EML6: variants seen among roughly 807,000 people sequenced by gnomAD.
EML6 encodes EMAP like 6.
EML6 carries 154 observed loss-of-function variants against 240.1 expected under a neutral mutation model. That is an observed-to-expected ratio of 0.64 (90% CI 0.56 to 0.73). The LOEUF is 0.73. Ranked by LOEUF, EML6 falls within the 30% of genes least tolerant of loss-of-function variation. The probability of loss-of-function intolerance (pLI) is 0.00; values close to 1 mark genes in which losing one functional copy is unlikely to be tolerated. For missense variants in EML6, 2,964 were observed against 2,474.6 expected (o/e 1.20, Z -4.20); for synonymous variants, 1,148 against 899.0 (o/e 1.28, Z -4.95).
At chr2:54,949,448 G>C (rs539484242) in intron 29 of EML6, among the ~76,000 whole-genome samples, 1 of 152,204 alleles carries the variant, frequency 6.6e-6, no homozygotes, top group African/African-American at 2.4e-5. Flanking sequence ...CGAGGACGCT[G>C]TGGCTGAGGG....
intron 28 of EML6, among the ~76,000 whole-genome samples, chr2:54,941,901 G>A (rs1049978748): frequency 3.3e-5 from 5 of 152,222 alleles, no homozygotes; most frequent in African/African-American, 7.2e-5. Flanking sequence ...CAAGACTCCT[G>A]TTCTTTATGA....
chr2:54,892,638 T>C lies in EML6; in HGVS notation c.2724T>C (p.Ala908=), dbSNP rs1672534215. 6.4e-7 allele frequency: 1 copy of C among 1,551,578 alleles called. No individual in the cohort carries two copies. The highest frequency in any genetic ancestry group is 8.7e-7 in the Non-Finnish European group (1 of 1,146,702). ...AAGCTCATGATGGGCCTGTGTTTGC[T>C]ATGTATGCACTGGATAAGGTATGGC... ...TVKAHDGPVF[A]MYALDKGFVT... The change falls in exon 19 of 42, where the codon GCT becomes GCC. Residue 908 remains alanine (A), a synonymous_variant. Coordinates refer to ENST00000356458, the MANE Select transcript of EML6 (RefSeq NM_001039753.4).
rs199744428 is a variant in EML6, at chr2:54,933,587, AG to A, written c.4004+4837del. On this transcript the variant is annotated intron_variant, in intron 28 of 41. Transcript: ENST00000356458. ...TGTCTCTCCTAAAAATACAAAAATT[AG>A]CCTGGTATGGTGGCACACGCCTGTA... is the stretch of plus-strand genomic sequence containing the variant. 5.5e-3 allele frequency among the ~76,000 whole-genome samples: 832 copies of A among 152,196 alleles called. 6 individuals carry two copies. The highest frequency in any genetic ancestry group is 7.5e-3 in the Non-Finnish European group (513 of 67,992).
At chr2:54,920,362 A>G (rs949799111) in intron 26 of EML6, among the ~76,000 whole-genome samples, 1 of 152,224 alleles carries the variant, frequency 6.6e-6, no homozygotes, top group African/African-American at 2.4e-5. Flanking sequence ...ACAAAGGATC[A>G]TAAGAGACTA....
At chr2:54,906,506 C>T (rs914845193) in intron 24 of EML6, among the ~76,000 whole-genome samples, 1 of 152,106 alleles carries the variant, frequency 6.6e-6, no homozygotes, top group African/African-American at 2.4e-5. Flanking sequence ...CCTCTTAGAG[C>T]TCAGGATGCT....
chr2:54,891,535 C>A (rs182182698), intron 18 of EML6, among the ~76,000 whole-genome samples: 1 of 152,086 alleles, frequency 6.6e-6, no homozygotes, highest in Non-Finnish European at 1.5e-5. Flanking sequence ...TGAATTTAAA[C>A]CTGAATTAAA....
intron 17 of EML6, among the ~76,000 whole-genome samples, chr2:54,883,412 C>G (rs1391644182): frequency 1.3e-5 from 2 of 152,072 alleles, no homozygotes; most frequent in Non-Finnish European, 2.9e-5. Context: ...CATCAGTCTT[C>G]CTGTTAAAGG....
intron 21 of EML6, 97 bp downstream of exon 21, chr2:54,895,497 T>C: frequency 8.1e-7 from 1 of 1,231,350 alleles, no homozygotes; most frequent in Non-Finnish European, 1.1e-6. Context: ...AAGGAGGCAC[T>C]CACTCTCAGG....
At chr2:54,963,529 C>T (rs1676617733) in intron 36 of EML6, among the ~76,000 whole-genome samples, 1 of 152,124 alleles carries the variant, frequency 6.6e-6, no homozygotes, top group African/African-American at 2.4e-5. Flanking sequence ...GGCCAGGATT[C>T]AGAATTTGAA....
intron 16 of EML6, among the ~76,000 whole-genome samples, chr2:54,875,219 A>G (rs548600514): frequency 3.9e-5 from 6 of 152,336 alleles, no homozygotes; most frequent in Middle Eastern, 3.4e-3. Context: ...ATCCCGTTCT[A>G]AAACAGCCCA....
intron 8 of EML6, among the ~76,000 whole-genome samples, chr2:54,845,642 G>C (rs961288494): frequency 5.9e-5 from 9 of 152,134 alleles, no homozygotes; most frequent in Non-Finnish European, 2.9e-5. Context: ...GTAAAGCAAG[G>C]GTTACATTGC....
chr2:54,912,679 G>GTA (rs1558679285), intron 25 of EML6, among the ~76,000 whole-genome samples: 4 of 152,096 alleles, frequency 2.6e-5, no homozygotes, highest in Non-Finnish European at 5.9e-5. Context: ...CTGTTCCTGC[G>GTA]TTAATTCTCT....
At chr2:54,933,553 G>T (rs905030682) in intron 28 of EML6, among the ~76,000 whole-genome samples, 1 of 152,100 alleles carries the variant, frequency 6.6e-6, no homozygotes, top group Non-Finnish European at 1.5e-5. Flanking sequence ...AGGAAACATG[G>T]TGAAACCCTG....
At chr2:54,735,830 A>G (rs1446555018) in intron 2 of EML6, among the ~76,000 whole-genome samples, 1 of 152,226 alleles carries the variant, frequency 6.6e-6, no homozygotes, top group Non-Finnish European at 1.5e-5. Context: ...GTCTGCAGAG[A>G]TTGTAAGGCA....
chr2:54,856,185 A>G lies in EML6; in HGVS notation c.1657+2330A>G, dbSNP rs1384070208. On this transcript the variant is annotated intron_variant, in intron 11 of 41. Coordinates refer to ENST00000356458, the MANE Select transcript of EML6 (RefSeq NM_001039753.4). Reference sequence around the variant, plus strand: ...TTTTTCTCATTTTGACAGTTTTCACATCTTAAAATAATTAGGATCAATACT... The same window carrying G: ...TTTTTCTCATTTTGACAGTTTTCACGTCTTAAAATAATTAGGATCAATACT... 3.3e-5 allele frequency among the ~76,000 whole-genome samples: 5 copies of G among 152,224 alleles called. No individual in the cohort carries two copies. The South Asian group carries it at 1.0e-3, about 32-fold the overall frequency.
chr2:54,832,071 T>A (rs1668898143), intron 7 of EML6, among the ~76,000 whole-genome samples: 1 of 152,172 alleles, frequency 6.6e-6, no homozygotes, highest in Non-Finnish European at 1.5e-5. Context: ...GGCAACATTG[T>A]CACAAAAGGC....
intron 7 of EML6, among the ~76,000 whole-genome samples, chr2:54,843,341 T>C (rs1669562627): frequency 6.6e-6 from 1 of 152,030 alleles, no homozygotes; most frequent in Non-Finnish European, 1.5e-5. Context: ...AGCAGGAGGA[T>C]TACTTTGAGC....
intron 30 of EML6, among the ~76,000 whole-genome samples, chr2:54,951,016 G>A (rs1381881769): frequency 1.3e-5 from 2 of 152,068 alleles, no homozygotes; most frequent in Non-Finnish European, 2.9e-5. Flanking sequence ...GAGAGAAGGC[G>A]GCCATGTTGA....
chr2:54,931,533 C>G (rs998254275), intron 28 of EML6, among the ~76,000 whole-genome samples: 1 of 152,170 alleles, frequency 6.6e-6, no homozygotes, highest in African/African-American at 2.4e-5. Flanking sequence ...AGGGCCGTTG[C>G]CCAGCAGCTC....
Sources: allele counts gnomAD v4.1 joint callset (sites outside exome capture counted in the v4.1 genomes callset), GRCh38; gene constraint gnomAD v4.1.1; transcripts MANE v1.5; gene names NCBI Gene and HGNC (gene_info 2026-07-23, HGNC 2026-07-21).